The following TMEM163 variants were observed in gnomAD, a reference collection of about 807,000 sequenced individuals.
TMEM163 encodes the protein transmembrane protein 163.
TMEM163 carries 17 observed loss-of-function variants against 29.3 expected under a neutral mutation model. The observed-to-expected ratio is 0.58, with a 90% confidence interval of 0.40 to 0.87. TMEM163 has a LOEUF of 0.87. Among genes scored for constraint, TMEM163 ranks in the 40% least tolerant of loss-of-function variants. TMEM163 has a pLI of 0.00. For missense variants in TMEM163, 303 were observed against 381.5 expected (o/e 0.79, Z 1.71); for synonymous variants, 157 against 160.6 (o/e 0.98, Z 0.17).
chr2:134,518,068 A>G (rs770622570), intron 4 of TMEM163, among the ~76,000 whole-genome samples: 2 of 152,240 alleles, frequency 1.3e-5, no homozygotes, highest in Non-Finnish European at 2.9e-5. Flanking sequence ...GAAAAAGGAT[A>G]ATACAGAAAG....
intron 5 of TMEM163, chr2:134,468,370 G>T (rs1686715304): frequency 6.6e-6 from 1 of 152,412 alleles, no homozygotes; most frequent in Admixed American, 6.5e-5. Flanking sequence ...CACTGAATCT[G>T]CTGGCACCTT....
At chr2:134,583,935 C>T in intron 2 of TMEM163, among the ~76,000 whole-genome samples, 1 of 152,172 alleles carries the variant, frequency 6.6e-6, no homozygotes, top group Admixed American at 6.5e-5. Flanking sequence ...CATTTTTCTC[C>T]ATAGCATCCC....
intron 2 of TMEM163, among the ~76,000 whole-genome samples, chr2:134,657,735 G>A (rs918809242): frequency 7.2e-5 from 11 of 152,266 alleles, no homozygotes; most frequent in Admixed American, 2.0e-4. Flanking sequence ...TCTGGGAGGC[G>A]GAGGTTGCAG....
At chr2:134,591,181 C>T (rs139665825) in intron 2 of TMEM163, among the ~76,000 whole-genome samples, 1 of 152,334 alleles carries the variant, frequency 6.6e-6, no homozygotes, top group East Asian at 1.9e-4. Flanking sequence ...AACCCTCTTC[C>T]AGTTCCCCTC....
At chr2:134,700,061 T>G in intron 2 of TMEM163, among the ~76,000 whole-genome samples, 1 of 152,240 alleles carries the variant, frequency 6.6e-6, no homozygotes, top group South Asian at 2.1e-4. Context: ...AATCTATCTC[T>G]GACTTTTACC....
intron 1 of TMEM163, among the ~76,000 whole-genome samples, chr2:134,718,202 G>A (rs1685077473): frequency 1.3e-5 from 2 of 152,258 alleles, no homozygotes; most frequent in South Asian, 2.1e-4. Context: ...GAGGCCGCCC[G>A]AGTCCCGGCT....
At chr2:134,620,345 C>T (rs1682702563) in intron 2 of TMEM163, among the ~76,000 whole-genome samples, 1 of 152,062 alleles carries the variant, frequency 6.6e-6, no homozygotes, top group Non-Finnish European at 1.5e-5. Context: ...CAACCTCCAC[C>T]TCCCGGGTTC....
At chr2:134,498,690 G>C (rs1286585955) in intron 5 of TMEM163, among the ~76,000 whole-genome samples, 2 of 152,196 alleles carry the variant, frequency 1.3e-5, no homozygotes, top group African/African-American at 2.4e-5. Context: ...GCAGCACAGA[G>C]TGAAGGGGCC....
Position 134,463,542 on chromosome 2 carries a change from C to T in TMEM163, c.667+2572G>A, listed in dbSNP as rs556053743. ...TTGACGCAAGCTGGCTATAATTCTA[C>T]GATGTCTCAGTGGGTGACGGAGACC... is the stretch of plus-strand genomic sequence containing the variant. On this transcript the variant is annotated intron_variant, in intron 6 of 7. Coordinates refer to ENST00000281924, the MANE Select transcript of TMEM163 (RefSeq NM_030923.5). Among the ~76,000 whole-genome samples, 35 of 152,312 alleles carry T rather than the reference C, an allele frequency of 2.3e-4. 1 individual carries two copies. Among genetic ancestry groups the T allele is most frequent in the South Asian group, 1.0e-3 (5 of 4,822 alleles).
chr2:134,496,140 C>A (rs192421151), intron 5 of TMEM163, among the ~76,000 whole-genome samples: 1 of 151,628 alleles, frequency 6.6e-6, no homozygotes, highest in Non-Finnish European at 1.5e-5. Flanking sequence ...TGGCTCACTG[C>A]GGCCTCCACC....
chr2:134,683,173 A>G (rs111459224), intron 2 of TMEM163, among the ~76,000 whole-genome samples: 11,222 of 152,240 alleles, frequency 0.074, 1,390 homozygotes, highest in African/African-American at 0.25. Flanking sequence ...TGGTGGATAC[A>G]TGTCATTGTA....
chr2:134,515,043 A>G (rs1680028760), intron 4 of TMEM163, among the ~76,000 whole-genome samples: 1 of 152,234 alleles, frequency 6.6e-6, no homozygotes, highest in Non-Finnish European at 1.5e-5. Flanking sequence ...GCTGACAGAT[A>G]GAAGATTCTT....
intron 2 of TMEM163, among the ~76,000 whole-genome samples, chr2:134,553,494 C>T (rs181384683): frequency 1.1e-4 from 16 of 152,324 alleles, no homozygotes; most frequent in Admixed American, 3.9e-4. Context: ...GAGTTGCCAT[C>T]GGCCACCGTT....
At chr2:134,496,909 G>A (rs1271748834) in intron 5 of TMEM163, among the ~76,000 whole-genome samples, 1 of 152,014 alleles carries the variant, frequency 6.6e-6, no homozygotes, top group Non-Finnish European at 1.5e-5. Flanking sequence ...GACCACAGGT[G>A]CACACAGAAC....
chr2:134,495,536 C>T (rs1169736507), intron 5 of TMEM163, among the ~76,000 whole-genome samples: 3 of 152,224 alleles, frequency 2.0e-5, no homozygotes, highest in Admixed American at 1.3e-4. Context: ...TACACAGAAG[C>T]CTATGATGGA....
At chr2:134,519,888 T>TG (rs1680157753) in intron 4 of TMEM163, among the ~76,000 whole-genome samples, 4 of 53,918 alleles carry the variant, frequency 7.4e-5, no homozygotes, top group Non-Finnish European at 1.2e-4. Flanking sequence ...AGACCCCACC[T>TG]CAAAAAAAAA....
At chr2:134,571,507 G>C (rs191538758) in intron 2 of TMEM163, among the ~76,000 whole-genome samples, 2 of 152,072 alleles carry the variant, frequency 1.3e-5, no homozygotes, top group Non-Finnish European at 2.9e-5. Flanking sequence ...TACAAAATAC[G>C]TTTTCAGAGA....
intron 4 of TMEM163, among the ~76,000 whole-genome samples, chr2:134,517,356 A>C (rs1439766048): frequency 1.3e-5 from 2 of 152,060 alleles, no homozygotes. Flanking sequence ...TGATGGGGAG[A>C]TGGGGAATTA....
chr2:134,650,111 G>A (rs908047296), intron 2 of TMEM163, among the ~76,000 whole-genome samples: 2 of 150,678 alleles, frequency 1.3e-5, no homozygotes, highest in Admixed American at 6.6e-5. Context: ...AGGGCAATAC[G>A]CACAGTACAA....
Sources: gnomAD v4.1 joint callset for allele counts (sites outside exome capture counted in the v4.1 genomes callset) on GRCh38, gnomAD v4.1.1 for gene constraint, MANE v1.5 for transcripts, NCBI Gene and HGNC (gene_info 2026-07-23, HGNC 2026-07-21) for gene names.